The following KCNT1 variants were observed in gnomAD, a reference collection of about 807,000 sequenced individuals.
KCNT1 encodes the protein potassium sodium-activated channel subfamily T member 1.
KCNT1 carries 78 observed loss-of-function variants against 147.8 expected under a neutral mutation model. The observed-to-expected ratio is 0.53, with a 90% CI of 0.44 to 0.64. The LOEUF (loss-of-function observed/expected upper bound fraction) is 0.64, where lower values mean the gene tolerates loss of function less well. Among genes scored for constraint, KCNT1 ranks in the 30% least tolerant of loss-of-function variants. KCNT1 has a pLI of 0.00. For synonymous variants in KCNT1, 867 were observed against 748.8 expected (o/e 1.16, Z -2.58); for missense variants, 1,419 against 1,750.3 (o/e 0.81, Z 3.38).
chr9:135,735,300 G>A (rs1335543011), intron 2 of KCNT1, among the ~76,000 whole-genome samples: 3 of 152,226 alleles, frequency 2.0e-5, no homozygotes, highest in Non-Finnish European at 1.5e-5. Context: ...GTCATTTTCT[G>A]AGCATGATGG....
chr9:135,770,975 G>T lies in KCNT1; in HGVS notation c.1888G>T (p.Glu630Ter), dbSNP rs1405559720. The change falls in exon 18 of 31, where the codon GAG becomes TAG. Residue 630 changes from glutamate (E) to a stop codon, truncating the protein, a stop_gained. Transcript: ENST00000371757. LOFTEE classifies it high-confidence loss of function. ...CTGCTTCTACATCAACATCACCAAG[G>T]AGGAGAACTCGGCCTTCATCTTCAA... is the stretch of plus-strand genomic sequence containing the variant. ...DTCFYINITKEENSAFIFKQE... is the reference protein window; with the variant it reads ...DTCFYINITK 1.9e-6 allele frequency: 3 copies of T among 1,613,884 alleles called. No individual in the cohort carries two copies. The highest frequency in any genetic ancestry group is 2.5e-6 in the Non-Finnish European group (3 of 1,179,966).
chr9:135,731,492 C>G lies in KCNT1; in HGVS notation c.254+16772C>G, dbSNP rs141881695. The stretch of plus-strand genomic sequence containing the variant: ...CCCACCCTTTCATACGGCTTCTTCA[C>G]GCTGGAATTCTTTCTTTGGCATTTC... On this transcript the variant is annotated intron_variant, in intron 2 of 30. Transcript: ENST00000371757. Among the ~76,000 whole-genome samples the G allele has an allele frequency of 1.6e-3, 244 of 150,616 alleles. 1 individual carries two copies. The highest frequency in any genetic ancestry group is 5.7e-3 in the African/African-American group (237 of 41,286).
intron 13 of KCNT1, among the ~76,000 whole-genome samples, chr9:135,767,761 C>A (rs111907190): frequency 1.4e-4 from 22 of 152,210 alleles, no homozygotes; most frequent in African/African-American, 2.9e-4. Context: ...CCAGCAGAGC[C>A]CCCTCGCACG....
intron 13 of KCNT1, 53 bp from the exon 14 acceptor site, chr9:135,768,557 T>C: frequency 6.8e-7 from 1 of 1,465,350 alleles, no homozygotes; most frequent in Non-Finnish European, 9.3e-7. Context: ...CACCCCCGGC[T>C]GCACTGCCCA....
Position 135,730,990 on chromosome 9 carries a change from T to TAAAAAAAAAAAA in KCNT1, c.254+16282_254+16293dup, listed in dbSNP as rs56307359. Among the ~76,000 whole-genome samples, 38 of 85,584 alleles carry TAAAAAAAAAAAA rather than the reference T, an allele frequency of 4.4e-4. No individual in the cohort carries two copies. Among genetic ancestry groups the TAAAAAAAAAAAA allele is most frequent in the African/African-American group, 1.5e-3 (34 of 22,070 alleles). 56.1% of individuals were successfully genotyped at this position (85,584 alleles called of 152,430 possible). A position where few individuals can be genotyped will look rare whatever the true frequency, so the allele number is the denominator to read the frequency against. ...AACAAAGTGAGATCCCGTCTCAAGG[T>TAAAAAAAAAAAA]AAAAAAAAAAAAAAAAAAAAAAAGT... On this transcript the variant is annotated intron_variant, in intron 2 of 30. Coordinates refer to ENST00000371757, the MANE Select transcript of KCNT1 (RefSeq NM_020822.3). The surrounding 1 kb of genome is among the most constrained non-coding windows in gnomAD (Gnocchi z 4.7).
intron 2 of KCNT1, among the ~76,000 whole-genome samples, chr9:135,718,223 G>C (rs905152084): frequency 2.0e-5 from 3 of 152,228 alleles, no homozygotes; most frequent in South Asian, 4.1e-4. Context: ...GGGGTCGTCT[G>C]CCTGGCCTGG....
At chr9:135,758,993 C>T (rs1831712283) in intron 10 of KCNT1, among the ~76,000 whole-genome samples, 1 of 152,234 alleles carries the variant, frequency 6.6e-6, no homozygotes, top group South Asian at 2.1e-4. Context: ...GGCCTGGTCA[C>T]CACTTCCCGT....
chr9:135,777,985 A>ATGCTCTCAGCCCCTCCC, intron 21 of KCNT1, among the ~76,000 whole-genome samples: 1 of 144,238 alleles, frequency 6.9e-6, no homozygotes, highest in Admixed American at 6.8e-5. Flanking sequence ...CAGCTCCTCC[A>ATGCTCTCAGCCCCTCCC]TGCTCTCAGC....
intron 29 of KCNT1, among the ~76,000 whole-genome samples, chr9:135,787,082 G>A (rs1048973732): frequency 6.6e-6 from 1 of 152,156 alleles, no homozygotes; most frequent in Non-Finnish European, 1.5e-5. Flanking sequence ...AGCAGCCAGG[G>A]TAGGGGGGAG....
intron 21 of KCNT1, among the ~76,000 whole-genome samples, 174 bp from the exon 22 acceptor site, chr9:135,778,250 A>G (rs1458933069): frequency 6.6e-6 from 1 of 152,180 alleles, no homozygotes; most frequent in Non-Finnish European, 1.5e-5. Context: ...TTTCCCCTTG[A>G]ATAAAATAAA....
At chr9:135,786,139 C>A in intron 28 of KCNT1, 58 bp from the exon 29 acceptor site, 1 of 1,511,132 alleles carries the variant, frequency 6.6e-7, no homozygotes, top group Non-Finnish European at 9.0e-7. Context: ...GCCCCAAAGC[C>A]CGCGACCCTC....
intron 29 of KCNT1, chr9:135,788,229 C>A: frequency 1.5e-6 from 2 of 1,298,228 alleles, no homozygotes; most frequent in East Asian, 2.3e-5. Flanking sequence ...CCGCCGGCAG[C>A]CTTGCTGCGC....
At chr9:135,749,029 C>T (rs1002680483) in intron 2 of KCNT1, among the ~76,000 whole-genome samples, 2 of 152,232 alleles carry the variant, frequency 1.3e-5, no homozygotes, top group Non-Finnish European at 2.9e-5. Context: ...TGTGCTCCCC[C>T]TTCCCAGAGA....
intron 24 of KCNT1, among the ~76,000 whole-genome samples, chr9:135,783,022 C>CG (rs1554779325): frequency 2.0e-5 from 3 of 152,162 alleles, no homozygotes; most frequent in African/African-American, 7.2e-5. Context: ...GTTCTGGTTC[C>CG]GGGGGGAAGT....
chr9:135,786,314 C>T lies in KCNT1; in HGVS notation c.3295C>T (p.Pro1099Ser), dbSNP rs200642629. Reference protein sequence around the residue: ...SQGRHTGGGDPAEHPLLRRKS... With the variant: ...SQGRHTGGGDSAEHPLLRRKS... ...GGGCCGCCACACGGGCGGCGGTGAC[C>T]CCGCAGAGCACCCACTGCTACGGCG... Residue 1099 changes from proline to serine, a missense_variant, in exon 29 of 31, where the codon CCC becomes TCC. Physicochemically the swap from Pro to Ser is moderately conservative, Grantham distance 74. Coordinates refer to ENST00000371757, the MANE Select transcript of KCNT1 (RefSeq NM_020822.3). 7.5e-3 allele frequency: 12,058 copies of T among 1,600,666 alleles called. 62 individuals are homozygous for T. Among genetic ancestry groups the T allele is most frequent in the Non-Finnish European group, 9.5e-3 (11,214 of 1,175,142 alleles).
chr9:135,749,097 G>A (rs1203813880), intron 2 of KCNT1, among the ~76,000 whole-genome samples: 1 of 152,234 alleles, frequency 6.6e-6, no homozygotes, highest in Non-Finnish European at 1.5e-5. Flanking sequence ...TGTCCTGCAG[G>A]CTGGCAGCAT....
chr9:135,789,690 G>C (rs1203239409), intron 29 of KCNT1: 1 of 152,310 alleles, frequency 6.6e-6, no homozygotes, highest in African/African-American at 2.4e-5. Flanking sequence ...TTAGGAAGCG[G>C]GTTGGGGGGC....
intron 2 of KCNT1, among the ~76,000 whole-genome samples, chr9:135,737,533 A>T (rs1199086757): frequency 6.6e-6 from 1 of 152,138 alleles, no homozygotes; most frequent in Non-Finnish European, 1.5e-5. Context: ...TGGGCACGGA[A>T]CCTGTTCCTG....
Position 135,777,420 on chromosome 9 carries a change from G to A in KCNT1, c.2432G>A (p.Gly811Asp). The A allele has an allele frequency of 1.2e-6, 2 of 1,613,574 alleles. No homozygotes were observed. The highest frequency in any genetic ancestry group is 1.7e-6 in the Non-Finnish European group (2 of 1,179,520). The change falls in exon 21 of 31, where the codon GGC (glycine) becomes GAC (aspartate). Residue 811 changes from glycine (G) to aspartate (D), a missense_variant. Gly to Asp is a moderately conservative substitution (Grantham distance 94). Transcript: ENST00000371757. ...KLIIVSAETAGNGLYNFIVPL... is the reference protein window; with the variant it reads ...KLIIVSAETADNGLYNFIVPL... ...ATCATCGTCTCGGCAGAGACGGCCG[G>A]CAATGGGCTGTACAACTTCATCGTG...
Sources: gnomAD v4.1 joint callset for allele counts (sites outside exome capture counted in the v4.1 genomes callset) on GRCh38, gnomAD v4.1.1 for gene constraint, Gnocchi (gnomAD v3.1) non-coding constraint, MANE v1.5 for transcripts, NCBI Gene and HGNC (gene_info 2026-07-23, HGNC 2026-07-21) for gene names.